ROR2: variants seen among roughly 807,000 people sequenced by gnomAD.
ROR2 encodes tyrosine-protein kinase transmembrane receptor ROR2.
A neutral mutation model predicts 74.9 loss-of-function variants in ROR2; 33 were observed. The ratio of observed to expected loss-of-function variants is 0.44; its 90% confidence interval spans 0.33 to 0.59. The LOEUF (loss-of-function observed/expected upper bound fraction) is 0.59, where lower values mean the gene tolerates loss of function less well. ROR2 is among the 20% of genes least tolerant of loss of function. ROR2 has a pLI of 0.02. For synonymous variants in ROR2, 586 were observed against 558.7 expected, an observed-to-expected ratio of 1.05 and a Z score of -0.69; for missense variants, 1,216 against 1,313.8, an observed-to-expected ratio of 0.93 and a Z score of 1.15.
At position 91,836,539 on chromosome 9, in the gene ROR2, CAAA is replaced by C. The variant is rs753563302; in HGVS notation, c.98-60724_98-60722del. Among the ~76,000 whole-genome samples the C allele has an allele frequency of 6.0e-4, 61 of 102,482 alleles. 1 individual carries two copies. Among genetic ancestry groups the C allele is most frequent in the African/African-American group, 2.0e-3 (60 of 30,330 alleles). 67.2% of individuals were successfully genotyped at this position (102,482 alleles called of 152,430 possible). On this transcript the variant is annotated intron_variant, in intron 1 of 8. Coordinates refer to ENST00000375708, the MANE Select transcript of ROR2 (RefSeq NM_004560.4). Reference sequence around the variant, plus strand: ...TGGAAGACAGAGTGAGATTCCATCTCAAAAAAAAAAAAAAACAGTCTGCAGCTG... The same window carrying C: ...TGGAAGACAGAGTGAGATTCCATCTCAAAAAAAAAAAACAGTCTGCAGCTG...
At chr9:91,808,410 G>A (rs774133072) in intron 1 of ROR2, among the ~76,000 whole-genome samples, 18 of 152,260 alleles carry the variant, frequency 1.2e-4, no homozygotes, top group African/African-American at 2.9e-4. Flanking sequence ...CGAGGCGGGC[G>A]GAAGAGGTCA....
At chr9:91,946,345 C>T (rs1208524129) in intron 1 of ROR2, among the ~76,000 whole-genome samples, 1 of 152,194 alleles carries the variant, frequency 6.6e-6, no homozygotes, top group Non-Finnish European at 1.5e-5. Context: ...TGGGCAAGAG[C>T]AAGGAAGAGC....
intron 1 of ROR2, among the ~76,000 whole-genome samples, chr9:91,781,395 A>T (rs780173114): frequency 6.6e-6 from 1 of 152,248 alleles, no homozygotes; most frequent in Admixed American, 6.5e-5. Context: ...TCAGCTCGGC[A>T]ACACGTCAGA....
chr9:91,792,454 G>A (rs760288894), intron 1 of ROR2, among the ~76,000 whole-genome samples: 162 of 152,094 alleles, frequency 1.1e-3, no homozygotes, highest in Non-Finnish European at 1.7e-3. Context: ...GACTACAGGC[G>A]CCCGCCACCA....
rs957876993 is a variant in ROR2, at chr9:91,806,257, C to G, written c.98-30439G>C. Among the ~76,000 whole-genome samples, 9 of 152,300 alleles carry G rather than the reference C, an allele frequency of 5.9e-5. 1 individual carries two copies. In the East Asian group the frequency reaches 1.7e-3, roughly 29 times the overall value. The stretch of plus-strand genomic sequence containing the variant: ...GAGGCTGGAAAGCCCAACATCAAGG[C>G]ACTGGTGAATTCATGTCTGATGAGG... On this transcript the variant is annotated intron_variant, in intron 1 of 8. Coordinates refer to ENST00000375708, the MANE Select transcript of ROR2 (RefSeq NM_004560.4).
chr9:91,948,047 T>G (rs1832059939), intron 1 of ROR2, among the ~76,000 whole-genome samples: 1 of 152,060 alleles, frequency 6.6e-6, no homozygotes, highest in African/African-American at 2.4e-5. Flanking sequence ...CTCCAATTGC[T>G]TTGTTCATAT....
chr9:91,771,669 C>T (rs1220656708), intron 2 of ROR2, among the ~76,000 whole-genome samples: 12 of 152,172 alleles, frequency 7.9e-5, no homozygotes, highest in Admixed American at 2.6e-4. Context: ...TCTATATAGG[C>T]TTTTTGCTCT....
chr9:91,863,361 A>G (rs1829529006), intron 1 of ROR2, among the ~76,000 whole-genome samples: 1 of 152,208 alleles, frequency 6.6e-6, no homozygotes, highest in Admixed American at 6.5e-5. Flanking sequence ...TCATAGGTAT[A>G]CAACCAAGAG....
intron 1 of ROR2, among the ~76,000 whole-genome samples, chr9:91,929,711 A>G (rs1384952191): frequency 6.6e-6 from 1 of 152,170 alleles, no homozygotes; most frequent in Non-Finnish European, 1.5e-5. Context: ...AACCCAAAGG[A>G]GCCTCAACTC....
intron 1 of ROR2, among the ~76,000 whole-genome samples, chr9:91,822,695 C>T (rs1477730421): frequency 2.0e-5 from 3 of 152,150 alleles, no homozygotes; most frequent in Non-Finnish European, 4.4e-5. Context: ...GTCCAAGTAT[C>T]GTCCTACAGA....
intron 1 of ROR2, among the ~76,000 whole-genome samples, chr9:91,849,232 A>C (rs1829025275): frequency 6.6e-6 from 1 of 152,194 alleles, no homozygotes; most frequent in African/African-American, 2.4e-5. Context: ...CCTCCCAACT[A>C]CGGTCAGATG....
chr9:91,932,869 A>G (rs1831586232), intron 1 of ROR2, among the ~76,000 whole-genome samples: 1 of 152,236 alleles, frequency 6.6e-6, no homozygotes, highest in South Asian at 2.1e-4. Context: ...TCTATTTTTC[A>G]TACTTCTTAA....
At chr9:91,787,162 C>A (rs976624964) in intron 1 of ROR2, among the ~76,000 whole-genome samples, 2 of 152,146 alleles carry the variant, frequency 1.3e-5, no homozygotes, top group Non-Finnish European at 2.9e-5. Flanking sequence ...CAGTGACTGG[C>A]TAATTATATA....
intron 1 of ROR2, among the ~76,000 whole-genome samples, chr9:91,895,060 C>T (rs1830504329): frequency 6.6e-6 from 1 of 152,172 alleles, no homozygotes; most frequent in Non-Finnish European, 1.5e-5. Flanking sequence ...AATTGTGGTA[C>T]ATCTAGTGGA....
At chr9:91,740,323 A>T (rs765065486) in intron 4 of ROR2, among the ~76,000 whole-genome samples, 1 of 151,856 alleles carries the variant, frequency 6.6e-6, no homozygotes, top group Admixed American at 6.6e-5. Flanking sequence ...CCAAGGTGGG[A>T]GGATCACAAG....
chr9:91,906,774 T>A (rs1236848150), intron 1 of ROR2, among the ~76,000 whole-genome samples: 1 of 152,182 alleles, frequency 6.6e-6, no homozygotes, highest in East Asian at 1.9e-4. Context: ...TGCTACATAG[T>A]TCTGCACCAC....
intron 2 of ROR2, among the ~76,000 whole-genome samples, chr9:91,769,557 A>T (rs1310066097): frequency 6.6e-6 from 1 of 152,036 alleles, no homozygotes; most frequent in Non-Finnish European, 1.5e-5. Context: ...CTGCGTGCCC[A>T]CCGTGAGACT....
At chr9:91,862,598 G>A (rs1406070194) in intron 1 of ROR2, among the ~76,000 whole-genome samples, 3 of 151,936 alleles carry the variant, frequency 2.0e-5, no homozygotes, top group Admixed American at 6.6e-5. Flanking sequence ...GGAGTTCAAG[G>A]ATGCAGTGAG....
intron 1 of ROR2, among the ~76,000 whole-genome samples, chr9:91,855,178 C>T (rs1422991535): frequency 6.6e-6 from 1 of 152,220 alleles, no homozygotes; most frequent in Non-Finnish European, 1.5e-5. Flanking sequence ...ACAGGACCCA[C>T]GTTCACATTA....
Sources: allele counts gnomAD v4.1 joint callset (sites outside exome capture counted in the v4.1 genomes callset), GRCh38; gene constraint gnomAD v4.1.1; transcripts MANE v1.5; gene names NCBI Gene and HGNC (gene_info 2026-07-23, HGNC 2026-07-21).